CNTNAP2: variants seen among roughly 807,000 people sequenced by gnomAD.
CNTNAP2 encodes the protein contactin associated protein 2.
CNTNAP2 carries 98 observed loss-of-function variants against 155.2 expected under a neutral mutation model. That is an observed-to-expected ratio of 0.63 (90% CI 0.54 to 0.75). CNTNAP2 has a LOEUF of 0.75. CNTNAP2 is among the 30% of genes least tolerant of loss of function. The probability of loss-of-function intolerance (pLI) is 0.00; values close to 1 mark genes in which losing one functional copy is unlikely to be tolerated. For synonymous variants in CNTNAP2, 651 were observed against 631.2 expected, an observed-to-expected ratio of 1.03 and a Z score of -0.47; for missense variants, 1,727 against 1,688.1, an observed-to-expected ratio of 1.02 and a Z score of -0.40.
chr7:147,575,363 G>T (rs1800375026), intron 12 of CNTNAP2, among the ~76,000 whole-genome samples: 2 of 95,214 alleles, frequency 2.1e-5, no homozygotes, highest in South Asian at 3.7e-4. Context: ...GTATTCCCTA[G>T]CTTTAGGGGT....
chr7:147,084,328 CT>C (rs201291246), intron 4 of CNTNAP2, among the ~76,000 whole-genome samples: 1 of 33,922 alleles, frequency 2.9e-5, no homozygotes, highest in African/African-American at 1.8e-4. Flanking sequence ...ATGCATAATG[CT>C]ATATATGTAT....
chr7:147,078,626 C>T (rs1800040753), intron 4 of CNTNAP2, among the ~76,000 whole-genome samples: 1 of 151,866 alleles, frequency 6.6e-6, no homozygotes, highest in Non-Finnish European at 1.5e-5. Flanking sequence ...ACTATAGGTC[C>T]CCTGGCCACG....
chr7:146,627,139 A>C (rs6954856), intron 1 of CNTNAP2, among the ~76,000 whole-genome samples: 1 of 152,086 alleles, frequency 6.6e-6, no homozygotes. Context: ...GAGCTTGTAC[A>C]GGGAAACTCC....
chr7:147,980,573 C>A (rs1299495066), intron 15 of CNTNAP2, among the ~76,000 whole-genome samples: 3 of 150,924 alleles, frequency 2.0e-5, no homozygotes, highest in East Asian at 1.9e-4. Context: ...AAGTATCCTA[C>A]CTGGTACTCG....
chr7:146,740,106 T>C lies in CNTNAP2; in HGVS notation c.98-34165T>C, dbSNP rs150653242. On this transcript the variant is annotated intron_variant, in intron 1 of 23. Transcript: ENST00000361727. ...ATGAAAATTTGCCTTTTTGATGCTG[T>C]CACATAAGTTTCATAAGCTTTTTTT... 1.9e-3 allele frequency among the ~76,000 whole-genome samples: 283 copies of C among 152,202 alleles called. 1 individual carries two copies. The highest frequency in any genetic ancestry group is 6.4e-3 in the African/African-American group (268 of 41,560).
At chr7:146,936,435 T>C (rs537989546) in intron 3 of CNTNAP2, among the ~76,000 whole-genome samples, 1 of 152,322 alleles carries the variant, frequency 6.6e-6, no homozygotes, top group Admixed American at 6.5e-5. Context: ...GTTCTACTGT[T>C]TTCCAGTGGG....
At chr7:146,699,719 G>A (rs1800842720) in intron 1 of CNTNAP2, among the ~76,000 whole-genome samples, 1 of 152,090 alleles carries the variant, frequency 6.6e-6, no homozygotes, top group Non-Finnish European at 1.5e-5. Context: ...TGTAATCCCA[G>A]CACTTTGGGA....
intron 1 of CNTNAP2, among the ~76,000 whole-genome samples, chr7:146,398,631 G>A (rs1795669320): frequency 6.6e-6 from 1 of 152,170 alleles, no homozygotes; most frequent in South Asian, 2.1e-4. Flanking sequence ...CATCTAGAAG[G>A]TGAGAAGTAG....
At chr7:148,398,325 A>T (rs1468086778) in intron 22 of CNTNAP2, among the ~76,000 whole-genome samples, 3 of 152,234 alleles carry the variant, frequency 2.0e-5, no homozygotes, top group African/African-American at 4.8e-5. Context: ...CAAACATCCC[A>T]TGCCTATTGG....
intron 1 of CNTNAP2, among the ~76,000 whole-genome samples, chr7:146,563,353 A>G (rs192651994): frequency 6.6e-6 from 1 of 152,206 alleles, no homozygotes; most frequent in Admixed American, 6.5e-5. Context: ...CTTCCAAACC[A>G]TTACACTATT....
At chr7:146,809,791 C>T (rs555534119) in intron 2 of CNTNAP2, among the ~76,000 whole-genome samples, 39 of 152,258 alleles carry the variant, frequency 2.6e-4, no homozygotes, top group African/African-American at 8.4e-4. Flanking sequence ...TTCTTCCATT[C>T]CGTAGGTTGC....
intron 1 of CNTNAP2, among the ~76,000 whole-genome samples, chr7:146,614,099 G>A (rs184686795): frequency 2.8e-4 from 42 of 151,988 alleles, no homozygotes; most frequent in African/African-American, 9.4e-4. Context: ...ATTATGACCC[G>A]TGAGTCCTAT....
intron 21 of CNTNAP2, among the ~76,000 whole-genome samples, chr7:148,344,036 C>A (rs1234870576): frequency 6.6e-6 from 1 of 152,166 alleles, no homozygotes. Context: ...AATGATACCC[C>A]TAGGAGTGCC....
intron 1 of CNTNAP2, among the ~76,000 whole-genome samples, chr7:146,576,333 C>T (rs755745605): frequency 3.9e-5 from 6 of 152,202 alleles, no homozygotes; most frequent in Non-Finnish European, 2.9e-5. Flanking sequence ...AACCAGCTTA[C>T]ATCTTCCACA....
rs570749189 is a variant in CNTNAP2, at chr7:147,469,943, C to G, written c.1671-15992C>G. On this transcript the variant is annotated intron_variant, in intron 10 of 23. Transcript: ENST00000361727. ...GGGAGAAAAGCATTCTAGGCAGACA[C>G]TAGCAGTCACAAAGATCCCATGGCC... Among the ~76,000 whole-genome samples the G allele has an allele frequency of 3.3e-5, 5 of 152,258 alleles. No individual in the cohort carries two copies. In the East Asian group the frequency reaches 7.8e-4, roughly 24 times the overall value.
At chr7:146,876,352 C>A (rs540992236) in intron 3 of CNTNAP2, among the ~76,000 whole-genome samples, 2 of 152,128 alleles carry the variant, frequency 1.3e-5, no homozygotes, top group South Asian at 2.1e-4. Context: ...TTTCATATAC[C>A]ATTTTGTGTT....
At chr7:146,454,637 T>C (rs1040448916) in intron 1 of CNTNAP2, among the ~76,000 whole-genome samples, 1 of 151,882 alleles carries the variant, frequency 6.6e-6, no homozygotes, top group East Asian at 1.9e-4. Flanking sequence ...AAAATAGGTA[T>C]ACATGAATAC....
intron 17 of CNTNAP2, among the ~76,000 whole-genome samples, chr7:148,165,920 T>C (rs1805648131): frequency 6.6e-6 from 1 of 152,210 alleles, no homozygotes; most frequent in Non-Finnish European, 1.5e-5. Context: ...CTTCTGAGCA[T>C]CCTGCAACCG....
chr7:148,363,550 T>C (rs1324105386), intron 21 of CNTNAP2, among the ~76,000 whole-genome samples: 1 of 152,228 alleles, frequency 6.6e-6, no homozygotes, highest in Admixed American at 6.5e-5. Flanking sequence ...CCCTTCATGC[T>C]GGAGGAACCT....
Sources: allele counts gnomAD v4.1 joint callset (sites outside exome capture counted in the v4.1 genomes callset), GRCh38; gene constraint gnomAD v4.1.1; transcripts MANE v1.5; gene names NCBI Gene and HGNC (gene_info 2026-07-23, HGNC 2026-07-21).